The following PLBD2 variants were observed in gnomAD, a reference collection of about 807,000 sequenced individuals.
The protein encoded by PLBD2 is phospholipase B domain containing 2.
Under a neutral mutation model 68.3 loss-of-function variants are expected in PLBD2, and 51 were observed. The observed-to-expected ratio is 0.75, with a 90% confidence interval of 0.60 to 0.94. The LOEUF is 0.94. Ranked by LOEUF, PLBD2 falls within the 40% of genes least tolerant of loss-of-function variation. PLBD2 has a pLI of 0.00. For missense variants in PLBD2, 729 were observed against 792.2 expected (o/e 0.92, Z 0.96); for synonymous variants, 314 against 339.3 (o/e 0.93, Z 0.82).
At chr12:113,376,163 A>ATTT (rs34142556) in intron 5 of PLBD2, among the ~76,000 whole-genome samples, 4 of 115,292 alleles carry the variant, frequency 3.5e-5, no homozygotes, top group African/African-American at 6.6e-5. Flanking sequence ...TTGACACAGC[A>ATTT]TTTTTTTTTT....
intron 1 of PLBD2, among the ~76,000 whole-genome samples, chr12:113,362,146 G>C (rs150624526): frequency 2.1e-3 from 317 of 152,196 alleles, no homozygotes; most frequent in Admixed American, 6.1e-3. Context: ...AGGATTTCGA[G>C]ACCAGCTTGG....
chr12:113,374,484 C>G lies in PLBD2; in HGVS notation c.554C>G (p.Thr185Ser). 6.3e-7 allele frequency: 1 copy of G among 1,597,582 alleles called. No individual in the cohort carries two copies. The highest frequency in any genetic ancestry group is 1.1e-5 in the South Asian group (1 of 88,184). ...CGCCCCCTCCCCTAGGTGCGGCTGA[C>G]CCTCCTGCAGCTGAAAGGCCTGGAG... ...DSPYWHQVRLTLLQLKGLEDS... is the reference protein window; with the variant it reads ...DSPYWHQVRLSLLQLKGLEDS... The change falls in exon 4 of 12, where the codon ACC (threonine) becomes AGC (serine). Residue 185 changes from threonine (T) to serine (S), a missense_variant. Thr to Ser is a moderately conservative substitution (Grantham distance 58). Transcript: ENST00000280800.
chr12:113,374,689 A>G, intron 4 of PLBD2, 104 bp from the exon 5 acceptor site: 3 of 1,484,544 alleles, frequency 2.0e-6, no homozygotes, highest in South Asian at 2.4e-5. Flanking sequence ...GCCTTGGAAC[A>G]GTCAGCTGAC....
At position 113,374,584 on chromosome 12, in the gene PLBD2, AC is replaced by A; in HGVS notation, c.644+15del. ...AACCCTTGGGGTTCCTGTAAGTGCC[AC>A]CCCCAGAGTGAACAGGGTGGGAAGA... On this transcript the variant is annotated intron_variant, in intron 4 of 11. Coordinates refer to ENST00000280800, the MANE Select transcript of PLBD2 (RefSeq NM_173542.4). The A allele has an allele frequency of 6.3e-7, 1 of 1,582,680 alleles. No homozygotes were observed. The highest frequency in any genetic ancestry group is 8.6e-7 in the Non-Finnish European group (1 of 1,162,854).
intron 1 of PLBD2, among the ~76,000 whole-genome samples, chr12:113,363,023 T>C (rs35556936): frequency 0.088 from 13,388 of 151,804 alleles, 773 homozygotes; most frequent in East Asian, 0.21. Flanking sequence ...CTTGAACTCC[T>C]GACGTCAGGT....
intron 1 of PLBD2, among the ~76,000 whole-genome samples, chr12:113,365,173 A>G (rs1957331435): frequency 2.0e-5 from 3 of 152,146 alleles, no homozygotes; most frequent in Admixed American, 2.0e-4. Context: ...GGCGCAGAGC[A>G]TTCACTCAAG....
intron 5 of PLBD2, 52 bp downstream of exon 5, chr12:113,375,059 G>A (rs1482185747): frequency 1.4e-5 from 21 of 1,543,054 alleles, no homozygotes; most frequent in Admixed American, 1.7e-5. Context: ...GGGCACACAC[G>A]TGGGGAGTGG....
intron 1 of PLBD2, among the ~76,000 whole-genome samples, chr12:113,367,107 C>G (rs900382657): frequency 6.6e-6 from 1 of 152,076 alleles, no homozygotes; most frequent in East Asian, 1.9e-4. Context: ...TGCTTGGCCC[C>G]GTATTCTCAA....
At position 113,387,010 on chromosome 12, in the gene PLBD2, G is replaced by C; in HGVS notation, c.1360G>C (p.Asp454His). Residue 454 changes from aspartate to histidine, a missense_variant, in exon 10 of 12, where the codon GAC (aspartate) becomes CAC (histidine). Coordinates refer to ENST00000280800, the MANE Select transcript of PLBD2 (RefSeq NM_173542.4). ...CCAGTATGGGGACTGGTTTTCTTAT[G>C]ACGGGAGCCCCCGGGCCCAGATCTT... ...VAQYGDWFSY[D>H]GSPRAQIFRR... The C allele has an allele frequency of 5.6e-6, 9 of 1,612,568 alleles. No homozygotes were observed. Among genetic ancestry groups the C allele is most frequent in the Non-Finnish European group, 6.8e-6 (8 of 1,179,404 alleles).
At chr12:113,368,048 C>T (rs956244950) in intron 1 of PLBD2, among the ~76,000 whole-genome samples, 1 of 152,040 alleles carries the variant, frequency 6.6e-6, no homozygotes, top group African/African-American at 2.4e-5. Flanking sequence ...TGCCAGTACC[C>T]CCCAGCCTGG....
intron 9 of PLBD2, among the ~76,000 whole-genome samples, chr12:113,385,895 C>T (rs1047973178): frequency 6.6e-6 from 1 of 152,122 alleles, no homozygotes; most frequent in Non-Finnish European, 1.5e-5. Context: ...GGATTACAGG[C>T]GCCAGCCACC....
chr12:113,380,005 A>AT (rs1957471750), intron 5 of PLBD2, among the ~76,000 whole-genome samples: 1 of 152,246 alleles, frequency 6.6e-6, no homozygotes, highest in Non-Finnish European at 1.5e-5. Context: ...TACCTATAAC[A>AT]TATACATATC....
At chr12:113,380,465 C>T (rs1242680058) in intron 5 of PLBD2, among the ~76,000 whole-genome samples, 2 of 152,162 alleles carry the variant, frequency 1.3e-5, no homozygotes, top group African/African-American at 4.8e-5. Context: ...TGTTTTTTTC[C>T]TAGTATTTTT....
intron 11 of PLBD2, 45 bp downstream of exon 11, chr12:113,387,951 A>G (rs1957569538): frequency 6.2e-7 from 1 of 1,600,544 alleles, no homozygotes; most frequent in Admixed American, 1.7e-5. Flanking sequence ...GGGGGAAGTC[A>G]CCATCACCAG....
In PLBD2 at chr12:113,372,512, AG is replaced by A; in HGVS notation, c.385-134del. The stretch of plus-strand genomic sequence containing the variant: ...GAGCTGGGCAGGGAGAGGAGCCTCC[AG>A]GGAGAGGACAGCATGAGCAAGGACT... On this transcript the variant is annotated intron_variant, in intron 2 of 11. Transcript: ENST00000280800. The surrounding 1 kb of genome is among the most constrained non-coding windows in gnomAD (Gnocchi z 4.2). 1 of 935,784 alleles carries A rather than the reference AG, an allele frequency of 1.1e-6. No individual in the cohort carries two copies. Among genetic ancestry groups the A allele is most frequent in the African/African-American group, 1.6e-5 (1 of 60,706 alleles). 58.0% of individuals were successfully genotyped at this position (935,784 alleles called of 1,614,324 possible).
rs1957365269 is a variant in PLBD2, at chr12:113,369,064, G to A, written c.291-52G>A. On this transcript the variant is annotated intron_variant, in intron 1 of 11. Transcript: ENST00000280800. ...TAGTTTAAGCCTGGAGATGCCATGT[G>A]TCTAGCTGGGGGCCTCTGCTGCTGA... The A allele has an allele frequency of 4.6e-6, 6 of 1,303,022 alleles. No homozygotes were observed. In the Admixed American group the frequency reaches 6.2e-5, roughly 13 times the overall value. The allele number at this position is 1,303,022 out of a possible 1,614,324, so 80.7% of individuals were successfully genotyped here. A position where few individuals can be genotyped will look rare whatever the true frequency, so the allele number is the denominator to read the frequency against.
rs1039854566 is a variant in PLBD2 at position 113,372,340 on chromosome 12, CA to C, written c.385-299del. Among the ~76,000 whole-genome samples the C allele has an allele frequency of 4.8e-5, 7 of 145,730 alleles. No individual in the cohort carries two copies. Among genetic ancestry groups the C allele is most frequent in the East Asian group, 3.9e-4 (2 of 5,064 alleles). On this transcript the variant is annotated intron_variant, in intron 2 of 11. Coordinates refer to ENST00000280800, the MANE Select transcript of PLBD2 (RefSeq NM_173542.4). This position sits in a 1 kb window ranked among gnomAD's most constrained non-coding sequence, Gnocchi z 4.2. ...CTTAAAAAGGAACATAATAGGTGCT[CA>C]AAAAAAAAACATTCATGGATTGACT...
At chr12:113,364,071 G>A (rs1446161019) in intron 1 of PLBD2, among the ~76,000 whole-genome samples, 7 of 152,256 alleles carry the variant, frequency 4.6e-5, no homozygotes. Flanking sequence ...AATGATGGGT[G>A]TTTCGGGAAG....
At chr12:113,360,804 T>C (rs939793022) in intron 1 of PLBD2, among the ~76,000 whole-genome samples, 13 of 152,146 alleles carry the variant, frequency 8.5e-5, no homozygotes, top group African/African-American at 2.9e-4. Context: ...TACAGGTGTG[T>C]GCCACCATGC....
Sources: gnomAD v4.1 joint callset for allele counts (sites outside exome capture counted in the v4.1 genomes callset) on GRCh38, gnomAD v4.1.1 for gene constraint, Gnocchi (gnomAD v3.1) non-coding constraint, MANE v1.5 for transcripts, NCBI Gene and HGNC (gene_info 2026-07-23, HGNC 2026-07-21) for gene names.